TESPA1: variants seen among roughly 807,000 people sequenced by gnomAD.
TESPA1 encodes protein TESPA1.
TESPA1 carries 33 observed loss-of-function variants against 57.9 expected under a neutral mutation model. That is an observed-to-expected ratio of 0.57 (90% confidence interval 0.43 to 0.76). TESPA1 has a LOEUF of 0.76. TESPA1 is among the 30% of genes least tolerant of loss of function. The pLI is 0.00. For synonymous variants in TESPA1, 227 were observed against 228.9 expected, an observed-to-expected ratio of 0.99 and a Z score of 0.07; for missense variants, 618 against 632.9, an observed-to-expected ratio of 0.98 and a Z score of 0.25.
intron 3 of TESPA1, 179 bp from the exon 4 acceptor site, chr12:54,968,071 G>A: frequency 2.0e-6 from 3 of 1,482,694 alleles, no homozygotes; most frequent in Non-Finnish European, 2.7e-6. Flanking sequence ...ATTCATAGAA[G>A]TAGTTGGGGA....
chr12:54,966,193 G>T, intron 6 of TESPA1, 42 bp from the exon 7 acceptor site: 3 of 1,563,850 alleles, frequency 1.9e-6, no homozygotes, highest in Non-Finnish European at 2.6e-6. Flanking sequence ...CTTGTTTCCA[G>T]TCTGCACCCT....
intron 1 of TESPA1, chr12:54,984,005 G>A (rs1952412952): frequency 6.6e-6 from 1 of 152,162 alleles, no homozygotes; most frequent in Non-Finnish European, 1.5e-5. Context: ...TCACTCAAGT[G>A]TGTACATCCT....
rs201896264 is a variant in TESPA1 at position 54,949,089 on chromosome 12, G to C, written c.*1303C>G. On this transcript the variant is annotated 3_prime_UTR_variant, in exon 11 of 11. Transcript: ENST00000449076. ...GTGGGAAGGGTAGGAAACTTGGAGT[G>C]GGGGGGCTTTTTCCAAATTGTGAAA... 4.1e-5 allele frequency: 1 copy of C among 24,456 alleles called. No homozygotes were observed. Among genetic ancestry groups the C allele is most frequent in the African/African-American group, 1.2e-4 (1 of 8,532 alleles). 1.5% of individuals were successfully genotyped at this position (24,456 alleles called of 1,614,324 possible). A position where few individuals can be genotyped will look rare whatever the true frequency, so the allele number is the denominator to read the frequency against.
At position 54,969,021 on chromosome 12, in the gene TESPA1, G is replaced by GTGTGTATATATA. The variant is rs370590552; in HGVS notation, c.207-1130_207-1129insTATATATACACA. ...AATAAGTCACTACATATTTATATATGTATATATATATATATATATATATAT... is the reference window on the plus strand; with the variant it reads ...AATAAGTCACTACATATTTATATATGTGTGTATATATATATATATATATATATATATATATAT... On this transcript the variant is annotated intron_variant, in intron 3 of 10. Transcript: ENST00000449076. Among the ~76,000 whole-genome samples, 244 of 83,668 alleles carry GTGTGTATATATA rather than the reference G, an allele frequency of 2.9e-3. 1 individual carries two copies. Among genetic ancestry groups the GTGTGTATATATA allele is most frequent in the African/African-American group, 9.0e-3 (198 of 21,962 alleles). 54.9% of individuals were successfully genotyped at this position (83,668 alleles called of 152,430 possible).
chr12:54,980,398 C>T (rs892057136), intron 1 of TESPA1, among the ~76,000 whole-genome samples: 1 of 152,188 alleles, frequency 6.6e-6, no homozygotes, highest in Non-Finnish European at 1.5e-5. Flanking sequence ...GCCCACCTAA[C>T]TTCTAGTTGG....
At chr12:54,966,246 G>A in intron 6 of TESPA1, 95 bp from the exon 7 acceptor site, 2 of 1,560,910 alleles carry the variant, frequency 1.3e-6, no homozygotes, top group South Asian at 1.1e-5. Flanking sequence ...CCCCTGAACA[G>A]TAGTCTATGC....
chr12:54,967,750 C>A, intron 4 of TESPA1, 93 bp downstream of exon 4: 2 of 1,432,092 alleles, frequency 1.4e-6, no homozygotes, highest in Non-Finnish European at 9.7e-7. Flanking sequence ...CATGCCTATG[C>A]ATGTATATGT....
In TESPA1 at chr12:54,950,256, GT is replaced by G. The variant is rs1243032523; in HGVS notation, c.*135del. ...TACCATGCTGCCTTTCTCCTGCAGA[GT>G]TTGGGGGTTTGGAGGACCAAGGAGT... On this transcript the variant is annotated 3_prime_UTR_variant, in exon 11 of 11. Coordinates refer to ENST00000449076, the MANE Select transcript of TESPA1 (RefSeq NM_001136030.3). 6 of 456,638 alleles carry G rather than the reference GT, an allele frequency of 1.3e-5. No homozygotes were observed. The highest frequency in any genetic ancestry group is 2.2e-5 in the Non-Finnish European group (5 of 226,980). The allele number at this position is 456,638 out of a possible 1,614,324, so 28.3% of individuals were successfully genotyped here.
At chr12:54,955,249 A>C (rs894527865) in intron 10 of TESPA1, among the ~76,000 whole-genome samples, 1 of 152,216 alleles carries the variant, frequency 6.6e-6, no homozygotes, top group Non-Finnish European at 1.5e-5. Context: ...TGATAATTCC[A>C]AAATATATGA....
intron 10 of TESPA1, among the ~76,000 whole-genome samples, chr12:54,956,517 G>A (rs1305177052): frequency 6.6e-6 from 1 of 152,184 alleles, no homozygotes; most frequent in Non-Finnish European, 1.5e-5. Flanking sequence ...TGACATTTTT[G>A]AGCATGGTGG....
chr12:54,951,243 T>C (rs1462295600), intron 10 of TESPA1, among the ~76,000 whole-genome samples: 2 of 152,220 alleles, frequency 1.3e-5, no homozygotes, highest in Admixed American at 6.5e-5. Flanking sequence ...TAAAAGTGTG[T>C]AGCTCTTCCC....
At chr12:54,960,748 C>T (rs1405223560) in intron 10 of TESPA1, among the ~76,000 whole-genome samples, 1 of 152,140 alleles carries the variant, frequency 6.6e-6, no homozygotes, top group Admixed American at 6.5e-5. Flanking sequence ...TATCTGTACA[C>T]TACAGTTTGA....
At chr12:54,960,493 G>A (rs373071893) in intron 10 of TESPA1, among the ~76,000 whole-genome samples, 8 of 152,322 alleles carry the variant, frequency 5.3e-5, no homozygotes, top group African/African-American at 1.9e-4. Flanking sequence ...GGTACATTGA[G>A]GAGTCTGCTC....
chr12:54,963,631 G>T (rs1015970934), intron 8 of TESPA1, 111 bp downstream of exon 8: 5 of 1,196,188 alleles, frequency 4.2e-6, no homozygotes, highest in Non-Finnish European at 5.9e-6. Context: ...AGACACAATA[G>T]GCAAAGGGTT....
chr12:54,958,788 T>C (rs1039779274), intron 10 of TESPA1, among the ~76,000 whole-genome samples: 13 of 152,184 alleles, frequency 8.5e-5, no homozygotes, highest in Non-Finnish European at 1.8e-4. Flanking sequence ...CTCAGCCATG[T>C]CCAGTCCACC....
intron 10 of TESPA1, among the ~76,000 whole-genome samples, chr12:54,959,479 A>G (rs1401035782): frequency 6.6e-6 from 1 of 152,214 alleles, no homozygotes; most frequent in Non-Finnish European, 1.5e-5. Flanking sequence ...TTGAGCTCCT[A>G]GAAGTAAGAC....
intron 2 of TESPA1, 34 bp from the exon 3 acceptor site, chr12:54,973,553 C>T: frequency 1.2e-6 from 2 of 1,613,980 alleles, no homozygotes; most frequent in Non-Finnish European, 1.7e-6. Context: ...ACTGTGAGAA[C>T]TGAACGAAAT....
At chr12:54,965,144 C>G (rs1951342690) in intron 7 of TESPA1, among the ~76,000 whole-genome samples, 1 of 152,114 alleles carries the variant, frequency 6.6e-6, no homozygotes. Flanking sequence ...TCATTCAGCT[C>G]CTGGGATCAA....
At chr12:54,973,778 T>C in intron 2 of TESPA1, 5 of 1,241,138 alleles carry the variant, frequency 4.0e-6, no homozygotes, top group Non-Finnish European at 5.0e-6. Context: ...ACTGCTGTCT[T>C]TTGAGAGTTC....
Sources: allele counts gnomAD v4.1 joint callset (sites outside exome capture counted in the v4.1 genomes callset), GRCh38; gene constraint gnomAD v4.1.1; transcripts MANE v1.5; gene names NCBI Gene and HGNC (gene_info 2026-07-23, HGNC 2026-07-21).